The following TTYH1 variants were observed in gnomAD, a reference collection of about 807,000 sequenced individuals.
TTYH1 encodes tweety family member 1.
A neutral mutation model predicts 61.2 loss-of-function variants in TTYH1; 33 were observed. The ratio of observed to expected loss-of-function variants is 0.54; its 90% CI spans 0.41 to 0.72. The LOEUF is 0.72. Among genes scored for constraint, TTYH1 ranks in the 30% least tolerant of loss-of-function variants. The pLI is 0.00. For missense variants in TTYH1, 538 were observed against 575.8 expected (o/e 0.93, Z 0.67); for synonymous variants, 308 against 266.4 (o/e 1.16, Z -1.52).
At chr19:54,422,797 C>T (rs1888251347) in intron 4 of TTYH1, among the ~76,000 whole-genome samples, 1 of 151,740 alleles carries the variant, frequency 6.6e-6, no homozygotes, top group African/African-American at 2.4e-5. Flanking sequence ...GGCGTGGCGG[C>T]AGATGTCTGT....
chr19:54,430,487 C>A lies in TTYH1; in HGVS notation c.884-63C>A, dbSNP rs375000474. The A allele has an allele frequency of 3.3e-5, 52 of 1,570,286 alleles. No homozygotes were observed. The African/African-American group carries it at 5.4e-4, about 16-fold the overall frequency. On this transcript the variant is annotated intron_variant, in intron 7 of 13. Transcript: ENST00000376530. ...TGCTAACCCCCCAGTGCCCGGCCTTCCCCCGGGAGATCCCTGGGGGCCCAG... is the reference window on the plus strand; with the variant it reads ...TGCTAACCCCCCAGTGCCCGGCCTTACCCCGGGAGATCCCTGGGGGCCCAG...
chr19:54,430,366 T>C (rs902023752), intron 7 of TTYH1, among the ~76,000 whole-genome samples, 184 bp from the exon 8 acceptor site: 1 of 152,148 alleles, frequency 6.6e-6, no homozygotes, highest in Admixed American at 6.5e-5. Flanking sequence ...CACCAGCGCC[T>C]GCTCTGGCTG....
intron 4 of TTYH1, among the ~76,000 whole-genome samples, chr19:54,424,327 G>A (rs12104147): frequency 0.12 from 18,081 of 152,188 alleles, 1,314 homozygotes; most frequent in African/African-American, 0.2. Context: ...TCATTGCTTT[G>A]ACCATTAGTA....
intron 5 of TTYH1, among the ~76,000 whole-genome samples, chr19:54,427,481 A>G (rs1370041473): frequency 6.0e-4 from 81 of 136,002 alleles, no homozygotes; most frequent in Middle Eastern, 9.9e-3. Flanking sequence ...GCGGGCGCCT[A>G]TAGTCCCAGC....
intron 7 of TTYH1, 82 bp from the exon 8 acceptor site, chr19:54,430,468 C>T (rs537930161): frequency 1.3e-6 from 2 of 1,483,450 alleles, no homozygotes; most frequent in Non-Finnish European, 1.9e-6. Context: ...ACCCTGCTAA[C>T]CCCCCAGTGC....
chr19:54,428,862 C>A (rs1224813292), intron 5 of TTYH1, among the ~76,000 whole-genome samples: 2 of 152,148 alleles, frequency 1.3e-5, no homozygotes, highest in Non-Finnish European at 2.9e-5. Flanking sequence ...GCTGACACGC[C>A]CCCTGCACCC....
chr19:54,417,577 CACAT>C (rs1450611693), intron 1 of TTYH1, among the ~76,000 whole-genome samples: 14 of 152,072 alleles, frequency 9.2e-5, no homozygotes, highest in African/African-American at 3.4e-4. Context: ...TCACAACACA[CACAT>C]ACACATGTAT....
chr19:54,424,853 A>C (rs58089667), intron 4 of TTYH1, among the ~76,000 whole-genome samples: 45,507 of 151,810 alleles, frequency 0.3, 7,769 homozygotes, highest in East Asian at 0.52. Flanking sequence ...AGGAGGATTA[A>C]CTGAGCACTT....
Position 54,421,434 on chromosome 19 carries a change from G to A in TTYH1, c.417+46G>A. 7.7e-7 allele frequency: 1 copy of A among 1,306,824 alleles called. No individual in the cohort carries two copies. Among genetic ancestry groups the A allele is most frequent in the Non-Finnish European group, 1.1e-6 (1 of 900,344 alleles). The allele number at this position is 1,306,824 out of a possible 1,614,324, so 81.0% of individuals were successfully genotyped here. ...GGGACCCCAGACCCACACCTGGACG[G>A]GCTCCCCACACCCAAGGACAAAGGG... On this transcript the variant is annotated intron_variant, in intron 3 of 13. Coordinates refer to ENST00000376530, the MANE Select transcript of TTYH1 (RefSeq NM_020659.4). The surrounding 1 kb of genome is among the most constrained non-coding windows in gnomAD (Gnocchi z 4.8).
intron 5 of TTYH1, among the ~76,000 whole-genome samples, chr19:54,427,747 G>A (rs1028840805): frequency 1.3e-5 from 2 of 152,088 alleles, no homozygotes; most frequent in Non-Finnish European, 2.9e-5. Flanking sequence ...GACTAAGAGC[G>A]CAGAGGGTGG....
chr19:54,431,576 G>T, intron 10 of TTYH1: 1 of 261,484 alleles, frequency 3.8e-6, no homozygotes, highest in Non-Finnish European at 7.4e-6. Context: ...AGACTGCCTG[G>T]GTTCCAGTCC....
chr19:54,421,396 GC>G lies in TTYH1; in HGVS notation c.417+10del. On this transcript the variant is annotated intron_variant, in intron 3 of 13. Transcript: ENST00000376530. The surrounding 1 kb of genome is among the most constrained non-coding windows in gnomAD (Gnocchi z 4.8). ...AGCACCATTGACCACCTGGTGAGGGGCCAGCAACCAGTGGGACCCCAGACCC... is the reference window on the plus strand; with the variant it reads ...AGCACCATTGACCACCTGGTGAGGGGCAGCAACCAGTGGGACCCCAGACCC... The G allele has an allele frequency of 6.2e-7, 1 of 1,600,070 alleles. No individual in the cohort carries two copies. The highest frequency in any genetic ancestry group is 8.6e-7 in the Non-Finnish European group (1 of 1,167,414).
Position 54,429,377 on chromosome 19 carries a change from G to A in TTYH1, c.805G>A (p.Val269Met), listed in dbSNP as rs1392909968. Residue 269 changes from valine to methionine, a missense_variant and splice_region_variant, in exon 6 of 14, where the codon GTG becomes ATG. By Grantham distance (21) the Val-to-Met change is conservative. This residue lies in a region of TTYH1 where 378 missense variants were observed against 401.2 expected (regional missense o/e 0.94). Coordinates refer to ENST00000376530, the MANE Select transcript of TTYH1 (RefSeq NM_020659.4). The surrounding 1 kb of genome is among the most constrained non-coding windows in gnomAD (Gnocchi z 5.1). ...GSMGLEAATA[V>M]GLSDFCSNPD... The stretch of plus-strand genomic sequence containing the variant: ...CATGGGCCTGGAGGCAGCCACGGCC[G>A]TGGTGAGTGCCAGGGCCGGGCCATT... 7.4e-6 allele frequency: 12 copies of A among 1,613,748 alleles called. No individual in the cohort carries two copies. The highest frequency in any genetic ancestry group is 1.7e-4 in the Middle Eastern group (1 of 6,058).
chr19:54,427,083 G>C (rs2083335346), intron 5 of TTYH1, among the ~76,000 whole-genome samples: 1 of 151,790 alleles, frequency 6.6e-6, no homozygotes, highest in African/African-American at 2.4e-5. Flanking sequence ...TGGATCATGA[G>C]GTCAGGAGTT....
intron 4 of TTYH1, among the ~76,000 whole-genome samples, chr19:54,425,484 T>A (rs2122899323): frequency 6.6e-6 from 1 of 152,308 alleles, no homozygotes; most frequent in East Asian, 1.9e-4. Context: ...TTACTTCCTA[T>A]TTTTGCCTAA....
At chr19:54,427,739 C>G (rs1296695829) in intron 5 of TTYH1, among the ~76,000 whole-genome samples, 1 of 152,132 alleles carries the variant, frequency 6.6e-6, no homozygotes, top group Non-Finnish European at 1.5e-5. Context: ...AGGGACCTGA[C>G]TAAGAGCGCA....
In TTYH1 at chr19:54,421,280, T is replaced by C. The variant is rs781727578; in HGVS notation, c.309T>C (p.Thr103=). ...SCIVALLAGC[T]GIGIGFYGNS... ...CTCTCCCTCCTCCTCCGCTCAGCAC[T>C]GGCATTGGCATCGGTTTCTATGGCA... Residue 103 remains threonine (T), a synonymous_variant, in exon 3 of 14, where the codon ACT becomes ACC. Transcript: ENST00000376530. This position sits in a 1 kb window ranked among gnomAD's most constrained non-coding sequence, Gnocchi z 4.8. 8 of 1,610,382 alleles carry C rather than the reference T, an allele frequency of 5.0e-6. No individual in the cohort carries two copies. Among genetic ancestry groups the C allele is most frequent in the Non-Finnish European group, 4.2e-6 (5 of 1,176,714 alleles).
Position 54,415,867 on chromosome 19 carries a change from G to T in TTYH1, c.126+189G>T. The T allele has an allele frequency of 1.3e-6, 1 of 798,996 alleles. No individual in the cohort carries two copies. Among genetic ancestry groups the T allele is most frequent in the Non-Finnish European group, 1.9e-6 (1 of 525,114 alleles). The allele number at this position is 798,996 out of a possible 1,614,324, so 49.5% of individuals were successfully genotyped here. On this transcript the variant is annotated intron_variant, in intron 1 of 13. Coordinates refer to ENST00000376530, the MANE Select transcript of TTYH1 (RefSeq NM_020659.4). This position sits in a 1 kb window ranked among gnomAD's most constrained non-coding sequence, Gnocchi z 5.2. ...GCCTGGAGGTTCTCCTGGGACGCGCGCTGGGGGTCCAGACCTCGAGCTCTC... is the reference window on the plus strand; with the variant it reads ...GCCTGGAGGTTCTCCTGGGACGCGCTCTGGGGGTCCAGACCTCGAGCTCTC...
intron 4 of TTYH1, among the ~76,000 whole-genome samples, chr19:54,425,983 G>A (rs2083313226): frequency 1.3e-5 from 2 of 151,920 alleles, no homozygotes; most frequent in South Asian, 2.1e-4. Context: ...CCCAAAATGC[G>A]CGGATTACAG....
Sources: gnomAD v4.1 joint callset for allele counts (sites outside exome capture counted in the v4.1 genomes callset) on GRCh38, gnomAD v4.1.1 for gene constraint, gnomAD v4.1.1 regional missense constraint, Gnocchi (gnomAD v3.1) non-coding constraint, MANE v1.5 for transcripts, NCBI Gene and HGNC (gene_info 2026-07-23, HGNC 2026-07-21) for gene names.